PCDHGB5: variants seen among roughly 807,000 people sequenced by gnomAD.
The protein encoded by PCDHGB5 is protocadherin gamma subfamily B, 5.
In PCDHGB5, 48 loss-of-function variants were observed where a neutral mutation model predicts 62.9. That is an observed-to-expected ratio of 0.76 (90% CI 0.61 to 0.97). The LOEUF is 0.97. Among genes scored for constraint, PCDHGB5 ranks in the 50% least tolerant of loss-of-function variants. PCDHGB5 has a pLI of 0.00. For missense variants in PCDHGB5, 1,118 were observed against 1,198.6 expected, an observed-to-expected ratio of 0.93 and a Z score of 0.99; for synonymous variants, 474 against 511.2, an observed-to-expected ratio of 0.93 and a Z score of 0.98.
intron 1 of PCDHGB5, among the ~76,000 whole-genome samples, chr5:141,469,821 G>A (rs2099212107): frequency 6.6e-6 from 1 of 152,028 alleles, no homozygotes; most frequent in Admixed American, 6.6e-5. Flanking sequence ...TAGAATGGAG[G>A]TCACATAAAA....
Position 141,477,575 on chromosome 5 carries a change from C to T in PCDHGB5, c.2398-17232C>T. The T allele has an allele frequency of 6.2e-7, 1 of 1,614,176 alleles. No individual in the cohort carries two copies. The highest frequency in any genetic ancestry group is 8.5e-7 in the Non-Finnish European group (1 of 1,180,030). On this transcript the variant is annotated intron_variant, in intron 1 of 3. Coordinates refer to ENST00000617380, the MANE Select transcript of PCDHGB5 (RefSeq NM_018925.3). This position sits in a 1 kb window ranked among gnomAD's most constrained non-coding sequence, Gnocchi z 4.9. ...CCTAAGTGTCTGGGACCCCGACGCC[C>T]CGCAGAATGCTCGGCTTTCTTTCTT... is the stretch of plus-strand genomic sequence containing the variant.
intron 1 of PCDHGB5, chr5:141,415,739 G>GTTTTT (rs1561759437): frequency 2.3e-6 from 1 of 434,538 alleles, no homozygotes; most frequent in African/African-American, 3.3e-5. Flanking sequence ...TGTTTATTAA[G>GTTTTT]GTTTTTTTTT....
At position 141,400,116 on chromosome 5, in the gene PCDHGB5, C is replaced by G. The variant is rs2093964416; in HGVS notation, c.1989C>G (p.Ser663Arg). ...CGCTGCACTTGGTCTTTGCTGACAGCTTGCAGGAGGTGCTGCCGGATATCA... is the reference window on the plus strand; with the variant it reads ...CGCTGCACTTGGTCTTTGCTGACAGGTTGCAGGAGGTGCTGCCGGATATCA... Reference protein sequence around the residue: ...TATLHLVFADSLQEVLPDITD... With the variant: ...TATLHLVFADRLQEVLPDITD... The change falls in exon 1 of 4, where the codon AGC becomes AGG. Residue 663 changes from serine to arginine, a missense_variant. Coordinates refer to ENST00000617380, the MANE Select transcript of PCDHGB5 (RefSeq NM_018925.3). 1 of 1,614,086 alleles carries G rather than the reference C, an allele frequency of 6.2e-7. No individual in the cohort carries two copies. The highest frequency in any genetic ancestry group is 1.3e-5 in the African/African-American group (1 of 75,074).
chr5:141,466,037 G>T (rs1204301031), intron 1 of PCDHGB5, among the ~76,000 whole-genome samples: 1 of 152,056 alleles, frequency 6.6e-6, no homozygotes, highest in African/African-American at 2.4e-5. Flanking sequence ...CAGGAGAACG[G>T]CATGAACCCA....
In PCDHGB5 at chr5:141,485,961, A is replaced by C. The variant is rs766687554; in HGVS notation, c.2398-8846A>C. ...GCACCAGCGGGCATGGTGCTCATCC[A>C]GCTCAATGCCTCAGACCCGGACCTG... On this transcript the variant is annotated intron_variant, in intron 1 of 3. Coordinates refer to ENST00000617380, the MANE Select transcript of PCDHGB5 (RefSeq NM_018925.3). The surrounding 1 kb of genome is among the most constrained non-coding windows in gnomAD (Gnocchi z 5.7). 6.2e-7 allele frequency: 1 copy of C among 1,614,204 alleles called. No homozygotes were observed. The highest frequency in any genetic ancestry group is 1.1e-5 in the South Asian group (1 of 91,090).
chr5:141,399,431 T>A lies in PCDHGB5; in HGVS notation c.1304T>A (p.Ile435Asn), dbSNP rs757950073. ...KPPLSSSISV[I>N]LHIRDVNDNA... is the part of the protein sequence containing the mutation. Reference sequence around the variant, plus strand: ...CCCCTCTCCTCCAGCATAAGCGTCATCCTACATATCAGAGACGTCAACGAT... The same window carrying A: ...CCCCTCTCCTCCAGCATAAGCGTCAACCTACATATCAGAGACGTCAACGAT... Residue 435 changes from isoleucine to asparagine, a missense_variant, in exon 1 of 4, where the codon ATC (isoleucine) becomes AAC (asparagine). Physicochemically the swap from Ile to Asn is moderately radical, Grantham distance 149. Around this residue, in one of 2 missense-constraint regions of PCDHGB5, gnomAD observed 1,034 missense variants for 1,029.1 expected, o/e 1.00. Transcript: ENST00000617380. The A allele has an allele frequency of 3.1e-6, 5 of 1,613,970 alleles. No individual in the cohort carries two copies. The highest frequency in any genetic ancestry group is 3.3e-5 in the Admixed American group (2 of 60,028).
At chr5:141,408,428 A>C (rs1397543407) in intron 1 of PCDHGB5, 1 of 1,614,076 alleles carries the variant, frequency 6.2e-7, no homozygotes, top group South Asian at 1.1e-5. Flanking sequence ...GCTGCACTTC[A>C]GCGTAGACGC....
chr5:141,439,354 C>G (rs746525653), intron 1 of PCDHGB5, among the ~76,000 whole-genome samples: 7 of 152,186 alleles, frequency 4.6e-5, no homozygotes, highest in Admixed American at 4.6e-4. Context: ...TACAAATACT[C>G]AAACATCAAG....
At chr5:141,405,024 T>C in intron 1 of PCDHGB5, 1 of 1,613,920 alleles carries the variant, frequency 6.2e-7, no homozygotes, top group Non-Finnish European at 8.5e-7. Flanking sequence ...GACCTTACCC[T>C]CTACCTCGTT....
intron 1 of PCDHGB5, among the ~76,000 whole-genome samples, chr5:141,479,965 T>C (rs2099510479): frequency 6.6e-6 from 1 of 152,234 alleles, no homozygotes; most frequent in East Asian, 1.9e-4. Context: ...GTTAGTCAAA[T>C]GAGGTTCTAC....
rs761468303 is a variant in PCDHGB5 at position 141,421,659 on chromosome 5, T to C, written c.2397+21135T>C. 4 of 1,613,700 alleles carry C rather than the reference T, an allele frequency of 2.5e-6. No individual in the cohort carries two copies. The Admixed American group carries it at 6.7e-5, about 27-fold the overall frequency. On this transcript the variant is annotated intron_variant, in intron 1 of 3. Transcript: ENST00000617380. ...AGGACGAAGTGGAGATAAAAGTCAG[T>C]GAGCACGCAATTCCTGGGGCGCGAT...
chr5:141,435,883 C>A (rs1458527952), intron 1 of PCDHGB5, among the ~76,000 whole-genome samples: 1 of 152,020 alleles, frequency 6.6e-6, no homozygotes, highest in African/African-American at 2.4e-5. Flanking sequence ...GATTGGAAAC[C>A]CCTTAGAGAA....
At position 141,490,735 on chromosome 5, in the gene PCDHGB5, C is replaced by T; in HGVS notation, c.2398-4072C>T. The T allele has an allele frequency of 2.5e-6, 4 of 1,614,194 alleles. No individual in the cohort carries two copies. Among genetic ancestry groups the T allele is most frequent in the Non-Finnish European group, 2.5e-6 (3 of 1,180,018 alleles). ...CTACTCCATTGTAGGAAATCAGGTTCAGGGAGCCCCAGCCTCCTCCTTTGT... is the reference window on the plus strand; with the variant it reads ...CTACTCCATTGTAGGAAATCAGGTTTAGGGAGCCCCAGCCTCCTCCTTTGT... On this transcript the variant is annotated intron_variant, in intron 1 of 3. Transcript: ENST00000617380. This position sits in a 1 kb window ranked among gnomAD's most constrained non-coding sequence, Gnocchi z 5.4.
intron 1 of PCDHGB5, chr5:141,427,887 C>T (rs759734297): frequency 3.8e-6 from 6 of 1,565,908 alleles, no homozygotes; most frequent in South Asian, 1.1e-5. Flanking sequence ...GGCCCACGAC[C>T]AGGGCTCGCC....
intron 1 of PCDHGB5, chr5:141,441,971 G>C: frequency 3.3e-6 from 1 of 298,820 alleles, no homozygotes; most frequent in Admixed American, 4.4e-5. Flanking sequence ...AGGCTCTTCA[G>C]CCTGGAATGC....
Position 141,409,074 on chromosome 5 carries a change from T to C in PCDHGB5, c.2397+8550T>C, listed in dbSNP as rs375843119. The C allele has an allele frequency of 4.3e-5, 69 of 1,613,884 alleles. No homozygotes were observed. Among genetic ancestry groups the C allele is most frequent in the South Asian group, 2.4e-4 (22 of 91,084 alleles). On this transcript the variant is annotated intron_variant, in intron 1 of 3. Coordinates refer to ENST00000617380, the MANE Select transcript of PCDHGB5 (RefSeq NM_018925.3). The stretch of plus-strand genomic sequence containing the variant: ...AGCACTGCCCAGAGCACAAAACATA[T>C]GTTCTCATTGGATGAGAAAACAGGT...
Position 141,489,068 on chromosome 5 carries a change from G to GGCC in PCDHGB5, c.2398-5739_2398-5738insGCC. The GGCC allele has an allele frequency of 3.4e-6, 1 of 291,556 alleles. No individual in the cohort carries two copies. The allele number at this position is 291,556 out of a possible 1,614,324, so 18.1% of individuals were successfully genotyped here. A position where few individuals can be genotyped will look rare whatever the true frequency, so the allele number is the denominator to read the frequency against. ...CTCAAATTCAGCTCCCCTCCCCCCT[G>GGCC]CCCACCCCCGCCACTCGGTGACTAA... On this transcript the variant is annotated intron_variant, in intron 1 of 3. Coordinates refer to ENST00000617380, the MANE Select transcript of PCDHGB5 (RefSeq NM_018925.3). The surrounding 1 kb of genome is among the most constrained non-coding windows in gnomAD (Gnocchi z 4.5).
intron 2 of PCDHGB5, among the ~76,000 whole-genome samples, chr5:141,496,991 G>T (rs1164558685): frequency 6.6e-6 from 1 of 151,902 alleles, no homozygotes; most frequent in African/African-American, 2.4e-5. Context: ...TTTGAGACCA[G>T]CCTGGCAGCC....
rs761396116 is a variant in PCDHGB5 at position 141,409,790 on chromosome 5, C to T, written c.2397+9266C>T. 4 of 1,612,010 alleles carry T rather than the reference C, an allele frequency of 2.5e-6. No homozygotes were observed. The Admixed American group carries it at 5.0e-5, about 20-fold the overall frequency. ...TCACGAGCAGCTGCGCGCCTTCGCGCTCACGCTGCAGGCCCGCGACCACGG... is the reference window on the plus strand; with the variant it reads ...TCACGAGCAGCTGCGCGCCTTCGCGTTCACGCTGCAGGCCCGCGACCACGG... On this transcript the variant is annotated intron_variant, in intron 1 of 3. Transcript: ENST00000617380.
Sources: gnomAD v4.1 joint callset for allele counts (sites outside exome capture counted in the v4.1 genomes callset) on GRCh38, gnomAD v4.1.1 for gene constraint, gnomAD v4.1.1 regional missense constraint, Gnocchi (gnomAD v3.1) non-coding constraint, MANE v1.5 for transcripts, NCBI Gene and HGNC (gene_info 2026-07-23, HGNC 2026-07-21) for gene names.